NEDD4L: variants seen among roughly 807,000 people sequenced by gnomAD.
NEDD4L encodes the protein E3 ubiquitin-protein ligase NEDD4-like.
In NEDD4L, 54 loss-of-function variants were observed where a neutral mutation model predicts 148.9. The observed-to-expected ratio is 0.36, with a 90% CI of 0.29 to 0.45. NEDD4L has a LOEUF of 0.45. Ranked by LOEUF, NEDD4L falls within the 20% of genes least tolerant of loss-of-function variation. The pLI, the probability that NEDD4L is intolerant of heterozygous loss-of-function variation, is 1.00. For synonymous variants in NEDD4L, 433 were observed against 440.7 expected (o/e 0.98, Z 0.22); for missense variants, 856 against 1,233.8 (o/e 0.69, Z 4.59).
intron 11 of NEDD4L, among the ~76,000 whole-genome samples, chr18:58,332,330 G>T (rs1216953012): frequency 1.3e-5 from 2 of 152,120 alleles, no homozygotes; most frequent in Non-Finnish European, 2.9e-5. Context: ...TGCTCATTGG[G>T]ATTACCCTGT....
At chr18:58,113,982 G>A (rs2085593029) in intron 1 of NEDD4L, among the ~76,000 whole-genome samples, 1 of 152,210 alleles carries the variant, frequency 6.6e-6, no homozygotes, top group African/African-American at 2.4e-5. Flanking sequence ...TCTGTCCCCT[G>A]TGAGGGTATG....
intron 2 of NEDD4L, among the ~76,000 whole-genome samples, chr18:58,215,732 G>GA (rs1048173628): frequency 3.3e-5 from 5 of 152,048 alleles, no homozygotes; most frequent in East Asian, 1.9e-4. Flanking sequence ...GGAAAAAACA[G>GA]AAAAAACAAC....
intron 1 of NEDD4L, among the ~76,000 whole-genome samples, chr18:58,165,235 C>T (rs2036700695): frequency 6.6e-6 from 1 of 152,164 alleles, no homozygotes; most frequent in Non-Finnish European, 1.5e-5. Context: ...GATTGATTTC[C>T]AAGACACTTT....
At chr18:58,396,079 A>T in intron 30 of NEDD4L, 88 bp from the exon 31 acceptor site, 1 of 821,136 alleles carries the variant, frequency 1.2e-6, no homozygotes, top group African/African-American at 1.7e-5. Flanking sequence ...AGGCTTTTTT[A>T]TTCTCTTACT....
intron 1 of NEDD4L, among the ~76,000 whole-genome samples, chr18:58,064,981 G>T (rs1390561567): frequency 2.0e-5 from 3 of 152,186 alleles, no homozygotes; most frequent in Non-Finnish European, 4.4e-5. Context: ...TCCTGCTGTA[G>T]TGGAGCCTCT....
intron 1 of NEDD4L, among the ~76,000 whole-genome samples, chr18:58,123,709 C>T (rs1273965564): frequency 6.6e-6 from 1 of 152,134 alleles, no homozygotes; most frequent in Admixed American, 6.6e-5. Context: ...CATCAGTTCT[C>T]CACACCTCCC....
chr18:58,282,275 A>G (rs539922988), intron 5 of NEDD4L, among the ~76,000 whole-genome samples: 6 of 152,042 alleles, frequency 3.9e-5, no homozygotes, highest in African/African-American at 1.2e-4. Context: ...TTAGCTGGTA[A>G]ATGCAGTCCT....
intron 1 of NEDD4L, among the ~76,000 whole-genome samples, chr18:58,094,781 G>A (rs950763105): frequency 6.6e-6 from 1 of 152,068 alleles, no homozygotes; most frequent in Non-Finnish European, 1.5e-5. Context: ...GGCACCTTGA[G>A]GGCCTTACAG....
chr18:58,251,792 A>G (rs965590904), intron 4 of NEDD4L, among the ~76,000 whole-genome samples: 2 of 152,166 alleles, frequency 1.3e-5, no homozygotes, highest in African/African-American at 4.8e-5. Context: ...TTCTTTTGCT[A>G]TGCCTAAATT....
intron 1 of NEDD4L, among the ~76,000 whole-genome samples, chr18:58,151,363 C>T (rs1208512501): frequency 2.0e-5 from 3 of 152,148 alleles, no homozygotes; most frequent in African/African-American, 4.8e-5. Context: ...GTCCATTTTC[C>T]TTTTTTCACT....
In NEDD4L at chr18:58,396,496, A is replaced by G. The variant is rs1197453098; in HGVS notation, c.*227A>G. 1.9e-5 allele frequency: 8 copies of G among 424,384 alleles called. No homozygotes were observed. Among genetic ancestry groups the G allele is most frequent in the Non-Finnish European group, 1.7e-5 (4 of 231,808 alleles). 26.3% of individuals were successfully genotyped at this position (424,384 alleles called of 1,614,324 possible). A position where few individuals can be genotyped will look rare whatever the true frequency, so the allele number is the denominator to read the frequency against. ...TATCAACTGGTTGATGTGTACACTA[A>G]TTACATTTCAGGAGGACTTAATGCT... On this transcript the variant is annotated 3_prime_UTR_variant, in exon 31 of 31. Transcript: ENST00000400345.
At chr18:58,047,568 C>T (rs2081644903) in intron 1 of NEDD4L, 1 of 945,846 alleles carries the variant, frequency 1.1e-6, no homozygotes, top group Non-Finnish European at 1.3e-6. Context: ...TTAATTTTTT[C>T]TGTGTGTTTC....
At chr18:58,315,420 C>G (rs918596167) in intron 5 of NEDD4L, among the ~76,000 whole-genome samples, 3 of 151,794 alleles carry the variant, frequency 2.0e-5, no homozygotes, top group African/African-American at 7.3e-5. Flanking sequence ...CAAAAATTAG[C>G]AGGACCTGAT....
At chr18:58,188,568 T>C (rs1464845087) in intron 2 of NEDD4L, among the ~76,000 whole-genome samples, 1 of 152,248 alleles carries the variant, frequency 6.6e-6, no homozygotes, top group African/African-American at 2.4e-5. Flanking sequence ...TATTCCAGTG[T>C]GCCGTGGGGC....
intron 19 of NEDD4L, among the ~76,000 whole-genome samples, chr18:58,363,924 AC>A (rs1388883246): frequency 1.3e-5 from 2 of 152,218 alleles, no homozygotes; most frequent in Admixed American, 6.5e-5. Flanking sequence ...AATAACTCTT[AC>A]CTAAACCACA....
chr18:58,143,648 C>T lies in NEDD4L; in HGVS notation c.49-22140C>T, dbSNP rs551495831. ...ATAAACACATGACCTGTGCCCGTCC[C>T]GTGTTCTTCGTCCATGTCCCCAGAG... On this transcript the variant is annotated intron_variant, in intron 1 of 30. Coordinates refer to ENST00000400345, the MANE Select transcript of NEDD4L (RefSeq NM_001144967.3). Among the ~76,000 whole-genome samples the T allele has an allele frequency of 1.6e-4, 25 of 152,304 alleles. No homozygotes were observed. In the East Asian group the frequency reaches 4.0e-3, roughly 25 times the overall value.
At chr18:58,140,158 C>T (rs12326435) in intron 1 of NEDD4L, among the ~76,000 whole-genome samples, 2,520 of 152,192 alleles carry the variant, frequency 0.017, 75 homozygotes, top group African/African-American at 0.058. Context: ...TCCCAGAGGG[C>T]CCCGATCTAG....
chr18:58,171,930 A>G (rs6566942), intron 2 of NEDD4L, among the ~76,000 whole-genome samples: 38,332 of 152,088 alleles, frequency 0.25, 5,700 homozygotes, highest in East Asian at 0.43. Context: ...GGCAAGGAAC[A>G]GTCTCCATTT....
intron 5 of NEDD4L, among the ~76,000 whole-genome samples, chr18:58,310,573 C>T (rs1221311536): frequency 1.3e-5 from 2 of 152,228 alleles, no homozygotes; most frequent in African/African-American, 4.8e-5. Context: ...AGAGGCACCA[C>T]CCAGGTGCAG....
Sources: allele counts gnomAD v4.1 joint callset (sites outside exome capture counted in the v4.1 genomes callset), GRCh38; gene constraint gnomAD v4.1.1; transcripts MANE v1.5; gene names NCBI Gene and HGNC (gene_info 2026-07-23, HGNC 2026-07-21).